The following FRMPD4 variants were observed in gnomAD, a reference collection of about 807,000 sequenced individuals.
FRMPD4 encodes the protein FERM and PDZ domain-containing protein 4.
FRMPD4 carries 22 observed loss-of-function variants against 94.1 expected under a neutral mutation model. The ratio of observed to expected loss-of-function variants is 0.23; its 90% CI spans 0.17 to 0.33. The LOEUF is 0.33. Ranked by LOEUF, FRMPD4 falls within the 10% of genes least tolerant of loss-of-function variation. FRMPD4 has a pLI of 1.00. For missense variants in FRMPD4, 1,111 were observed against 1,339.9 expected (o/e 0.83, Z 2.67); for synonymous variants, 631 against 548.6 (o/e 1.15, Z -2.10).
At chrX:12,227,515 T>C (rs1424608415) in intron 1 of FRMPD4, among the ~76,000 whole-genome samples, 3 of 111,856 alleles carry the variant, frequency 2.7e-5, no homozygotes, top group African/African-American at 6.5e-5. Context: ...AGAATGGCTT[T>C]TGTGGCCAGG....
intron 2 of FRMPD4, among the ~76,000 whole-genome samples, chrX:12,542,696 C>T (rs1351788227): frequency 4.5e-5 from 5 of 111,932 alleles, no homozygotes; most frequent in African/African-American, 1.6e-4. Context: ...CCATCCCCAT[C>T]AAGCTACCAA....
intron 3 of FRMPD4, among the ~76,000 whole-genome samples, chrX:11,955,685 T>C (rs2054252757): frequency 9.8e-6 from 1 of 102,013 alleles, no homozygotes; most frequent in East Asian, 3.0e-4. Flanking sequence ...GAGCTTGCAG[T>C]GAGCCGAGAT....
chrX:12,019,393 GTCTC>G (rs201730250), intron 3 of FRMPD4, among the ~76,000 whole-genome samples: 1 of 107,804 alleles, frequency 9.3e-6, no homozygotes, highest in African/African-American at 3.4e-5. Flanking sequence ...TCTAACCAGT[GTCTC>G]TCTCTCTCTC....
At chrX:12,356,010 C>A (rs747389374) in intron 1 of FRMPD4, among the ~76,000 whole-genome samples, 1 of 111,275 alleles carries the variant, frequency 9.0e-6, no homozygotes, top group Non-Finnish European at 1.9e-5. Flanking sequence ...GAGAAGAGGC[C>A]CGGCTAGCAA....
In FRMPD4 at chrX:11,847,529, T is replaced by A. The variant is rs1482001435; in HGVS notation, c.-160-17557T>A. On this transcript the variant is annotated intron_variant, in intron 1 of 18. Transcript: ENST00000640291. ...CCATTTGACCCAGCCATCCCATTAG[T>A]GGGTATATACCCAAAGGACTATAAA... 5.5e-5 allele frequency among the ~76,000 whole-genome samples: 6 copies of A among 108,412 alleles called. No homozygotes were observed. In the Admixed American group the frequency reaches 5.9e-4, roughly 11 times the overall value. 94.1% of individuals were successfully genotyped at this position (108,412 alleles called of 115,157 possible).
chrX:12,452,928 C>T (rs1383218761), intron 1 of FRMPD4, among the ~76,000 whole-genome samples: 2 of 111,991 alleles, frequency 1.8e-5, no homozygotes, highest in Admixed American at 9.5e-5. Context: ...AATGGCAAGC[C>T]CAGGCTTCCA....
intron 1 of FRMPD4, among the ~76,000 whole-genome samples, chrX:12,239,701 A>G (rs1187260792): frequency 8.9e-6 from 1 of 111,805 alleles, no homozygotes; most frequent in East Asian, 2.8e-4. Flanking sequence ...TGTAAACAAC[A>G]AACAGTTATT....
intron 1 of FRMPD4, among the ~76,000 whole-genome samples, chrX:12,364,322 G>A (rs770484308): frequency 5.4e-5 from 6 of 111,669 alleles, no homozygotes; most frequent in African/African-American, 1.6e-4. Context: ...GTCAAGAGGC[G>A]GAAGGAGAAG....
At chrX:12,547,081 G>A (rs2058487043) in intron 2 of FRMPD4, among the ~76,000 whole-genome samples, 1 of 105,752 alleles carries the variant, frequency 9.5e-6, no homozygotes, top group Admixed American at 1.0e-4. Flanking sequence ...TGGCTGTTAT[G>A]GCTGCGGTGG....
At chrX:11,996,345 C>T (rs1224523864) in intron 3 of FRMPD4, among the ~76,000 whole-genome samples, 1 of 111,746 alleles carries the variant, frequency 8.9e-6, no homozygotes, top group Non-Finnish European at 1.9e-5. Context: ...TCTCCAGACA[C>T]CCTTTTGAAC....
At chrX:12,179,846 G>A (rs1462659637) in intron 1 of FRMPD4, among the ~76,000 whole-genome samples, 1 of 106,562 alleles carries the variant, frequency 9.4e-6, no homozygotes, top group Admixed American at 1.0e-4. Flanking sequence ...TTGTGTTCTA[G>A]TTTGCATGCT....
chrX:12,124,193 T>G (rs1389872317), intron 3 of FRMPD4, among the ~76,000 whole-genome samples: 1 of 112,453 alleles, frequency 8.9e-6, no homozygotes, highest in Non-Finnish European at 1.9e-5. Flanking sequence ...AAACTTCCCC[T>G]AACACCATGT....
At chrX:12,543,787 C>T (rs751454204) in intron 2 of FRMPD4, among the ~76,000 whole-genome samples, 308 of 109,227 alleles carry the variant, frequency 2.8e-3, no homozygotes, top group African/African-American at 9.7e-3. Context: ...CACATGCACA[C>T]GTATGTTTAT....
intron 2 of FRMPD4, among the ~76,000 whole-genome samples, chrX:12,508,228 TCTCACCATTC>T (rs2148243404): frequency 8.9e-6 from 1 of 111,817 alleles, no homozygotes; most frequent in South Asian, 3.8e-4. Context: ...TTCTCCTTTC[TCTCACCATTC>T]TCCTTTTGCT....
intron 3 of FRMPD4, among the ~76,000 whole-genome samples, chrX:11,997,533 T>A (rs1169834837): frequency 1.8e-5 from 2 of 111,215 alleles, no homozygotes; most frequent in African/African-American, 3.3e-5. Flanking sequence ...TGGCTTTGTT[T>A]CTGGCTGCAA....
At chrX:11,987,098 T>TAAAAAAAAAAAAAAAAAAAAA (rs35377550) in intron 3 of FRMPD4, among the ~76,000 whole-genome samples, 2 of 21,853 alleles carry the variant, frequency 9.2e-5, no homozygotes, top group Non-Finnish European at 1.4e-4. Context: ...AAAGACACAT[T>TAAAAAAAAAAAAAAAAAAAAA]AAAAAAAAAA....
rs143084011 is a variant in FRMPD4, at chrX:12,189,638, A to G, written c.41+50626A>G. On this transcript the variant is annotated intron_variant, in intron 1 of 16. Transcript: ENST00000675598. ...AAAATTAATTAATGAAATCCATTAC[A>G]TCAAAAGGGTACAGAGGAAAAGTCA... 5.0e-3 allele frequency among the ~76,000 whole-genome samples: 565 copies of G among 112,134 alleles called. 4 individuals are homozygous for G. Among genetic ancestry groups the G allele is most frequent in the African/African-American group, 0.018 (550 of 30,976 alleles).
At chrX:12,303,039 G>A (rs978112763) in intron 1 of FRMPD4, among the ~76,000 whole-genome samples, 22 of 111,553 alleles carry the variant, frequency 2.0e-4, no homozygotes, top group Admixed American at 9.5e-4. Flanking sequence ...ACAATAAACT[G>A]GAGGATGTTA....
At position 12,578,564 on chromosome X, in the gene FRMPD4, A is replaced by G. The variant is rs781382890; in HGVS notation, c.159-31157A>G. Among the ~76,000 whole-genome samples, 11 of 111,853 alleles carry G rather than the reference A, an allele frequency of 9.8e-5. No individual in the cohort carries two copies. In the Admixed American group the frequency reaches 1.0e-3, roughly 11 times the overall value. ...CTAACTTGTATTCTGAGATATATAT[A>G]TACATACTGTATAGTGTGTTTGTGT... On this transcript the variant is annotated intron_variant, in intron 2 of 16. Coordinates refer to ENST00000675598, the MANE Select transcript of FRMPD4 (RefSeq NM_001368397.1).
Sources: allele counts gnomAD v4.1 joint callset (sites outside exome capture counted in the v4.1 genomes callset), GRCh38; gene constraint gnomAD v4.1.1; transcripts MANE v1.5; gene names NCBI Gene and HGNC (gene_info 2026-07-23, HGNC 2026-07-21).